Variants in LTBP2 observed in about 807,000 individuals in gnomAD.
LTBP2 encodes latent transforming growth factor beta binding protein 2.
In LTBP2, 103 loss-of-function variants were observed where a neutral mutation model predicts 210.6. The observed-to-expected ratio is 0.49, with a 90% CI of 0.42 to 0.58. The LOEUF is 0.58. LTBP2 is among the 20% of genes least tolerant of loss of function. The probability of loss-of-function intolerance (pLI) is 0.00; values close to 1 mark genes in which losing one functional copy is unlikely to be tolerated. For synonymous variants in LTBP2, 1,007 were observed against 1,015.0 expected (o/e 0.99, Z 0.15); for missense variants, 2,313 against 2,494.5 (o/e 0.93, Z 1.55).
intron 34 of LTBP2, 70 bp downstream of exon 34, chr14:74,502,583 G>A (rs965539315): frequency 3.8e-6 from 6 of 1,599,712 alleles, no homozygotes; most frequent in Non-Finnish European, 5.1e-6. Flanking sequence ...AATATGACTA[G>A]CAGGTGGAGG....
Position 74,508,088 on chromosome 14 carries a change from G to C in LTBP2, c.3660C>G (p.Asp1220Glu). Residue 1220 changes from aspartate (D) to glutamate (E), a missense_variant, in exon 25 of 36, where the codon GAC becomes GAG. Physicochemically the swap from Asp to Glu is conservative, Grantham distance 45 (BLOSUM62 2). Coordinates refer to ENST00000261978, the MANE Select transcript of LTBP2 (RefSeq NM_000428.3). ...CACACGGGTCTGTGGTGGCACACTC[G>C]TCCACATCTAGAGTAGAGATGGCTG... is the stretch of plus-strand genomic sequence containing the variant. ...AEGGTSCQDVDECATTDPCVG... is the reference protein window; with the variant it reads ...AEGGTSCQDVEECATTDPCVG... The C allele has an allele frequency of 6.2e-7, 1 of 1,613,762 alleles. No individual in the cohort carries two copies. The highest frequency in any genetic ancestry group is 8.5e-7 in the Non-Finnish European group (1 of 1,179,994).
At chr14:74,504,176 G>A in intron 30 of LTBP2, 122 bp from the exon 31 acceptor site, 2 of 1,264,168 alleles carry the variant, frequency 1.6e-6, no homozygotes, top group Non-Finnish European at 2.2e-6. Flanking sequence ...GGTGGCTTTG[G>A]GCAAGTTGCT....
In LTBP2 at chr14:74,505,093, T is replaced by C. The variant is rs2086964476; in HGVS notation, c.4259A>G (p.His1420Arg). 6.2e-7 allele frequency: 1 copy of C among 1,614,102 alleles called. No homozygotes were observed. The highest frequency in any genetic ancestry group is 8.5e-7 in the Non-Finnish European group (1 of 1,180,034). ...GCCCAGGACACTGGAGCAGGGCGCA[T>C]GGCCCTTCTGCCCGGAGTAGCAGTC... ...RMDCYSGQKG[H>R]APCSSVLGRN... The change falls in exon 29 of 36, where the codon CAT (histidine) becomes CGT (arginine). Residue 1420 changes from histidine to arginine, a missense_variant. Transcript: ENST00000261978.
chr14:74,588,123 G>T (rs1444525511), intron 2 of LTBP2, among the ~76,000 whole-genome samples: 1 of 152,328 alleles, frequency 6.6e-6, no homozygotes, highest in East Asian at 1.9e-4. Flanking sequence ...CTCAGCAGCT[G>T]CTCCCTCCTT....
intron 3 of LTBP2, among the ~76,000 whole-genome samples, chr14:74,566,334 G>A (rs2087902099): frequency 6.6e-6 from 1 of 152,234 alleles, no homozygotes. Flanking sequence ...GGAGCAGCCA[G>A]AGGAATAGGA....
In LTBP2 at chr14:74,498,719, T is replaced by C. The variant is rs2086877996; in HGVS notation, c.*2165A>G. Reference sequence around the variant, plus strand: ...AGGATATATTTGGGGGATGGTAAGTTCTCCGATGGTGAGGTATAAGGCGGA... The same window carrying C: ...AGGATATATTTGGGGGATGGTAAGTCCTCCGATGGTGAGGTATAAGGCGGA... On this transcript the variant is annotated 3_prime_UTR_variant, in exon 36 of 36. Transcript: ENST00000261978. 4.3e-6 allele frequency: 1 copy of C among 232,302 alleles called. No individual in the cohort carries two copies. The highest frequency in any genetic ancestry group is 8.5e-6 in the Non-Finnish European group (1 of 117,544). 14.4% of individuals were successfully genotyped at this position (232,302 alleles called of 1,614,324 possible). A position where few individuals can be genotyped will look rare whatever the true frequency, so the allele number is the denominator to read the frequency against.
chr14:74,549,836 C>T (rs1473106110), intron 8 of LTBP2, 27 bp downstream of exon 8: 2 of 1,585,312 alleles, frequency 1.3e-6, no homozygotes, highest in African/African-American at 2.7e-5. Flanking sequence ...TCCTCCACAA[C>T]ACGTGACCTT....
intron 3 of LTBP2, among the ~76,000 whole-genome samples, chr14:74,566,708 C>T (rs2087907272): frequency 2.0e-5 from 3 of 152,190 alleles, no homozygotes; most frequent in Non-Finnish European, 2.9e-5. Flanking sequence ...CATCAACATT[C>T]CCTGGTGCCT....
chr14:74,592,556 G>GGT (rs2088297296), intron 2 of LTBP2, among the ~76,000 whole-genome samples: 1 of 151,938 alleles, frequency 6.6e-6, no homozygotes, highest in Non-Finnish European at 1.5e-5. Context: ...AAATTAGCTG[G>GGT]GTGTGATGGT....
At chr14:74,530,842 G>A (rs762989477) in intron 10 of LTBP2, among the ~76,000 whole-genome samples, 1 of 152,222 alleles carries the variant, frequency 6.6e-6, no homozygotes. Context: ...GCTTAAGGCA[G>A]TTTGAGTTTG....
chr14:74,511,781 C>T (rs2087075096), intron 18 of LTBP2, among the ~76,000 whole-genome samples: 1 of 152,200 alleles, frequency 6.6e-6, no homozygotes, highest in Non-Finnish European at 1.5e-5. Flanking sequence ...CACAATAGAT[C>T]ATCGGAGGGG....
intron 15 of LTBP2, among the ~76,000 whole-genome samples, chr14:74,524,427 T>A (rs1566623057): frequency 1.3e-5 from 2 of 151,922 alleles, no homozygotes; most frequent in African/African-American, 4.8e-5. Flanking sequence ...ACAAGGTGAC[T>A]GGGTCTCTGG....
chr14:74,569,611 G>C (rs2087949157), intron 3 of LTBP2, among the ~76,000 whole-genome samples: 1 of 152,200 alleles, frequency 6.6e-6, no homozygotes, highest in Admixed American at 6.5e-5. Context: ...GCAGAGATCA[G>C]ACTATAATGA....
intron 9 of LTBP2, among the ~76,000 whole-genome samples, chr14:74,534,954 G>T (rs1038753033): frequency 6.6e-6 from 1 of 152,108 alleles, no homozygotes. Flanking sequence ...GCTCCAGATT[G>T]GGAAACATAC....
intron 9 of LTBP2, among the ~76,000 whole-genome samples, chr14:74,535,136 T>C (rs1408567042): frequency 6.6e-6 from 1 of 152,124 alleles, no homozygotes; most frequent in Admixed American, 6.5e-5. Flanking sequence ...CCCTTTTGCT[T>C]GGCCCCAGCA....
rs2088012182 is a variant in LTBP2, at chr14:74,573,442, G to A, written c.830+12412C>T. ...CCATCAGTGGGGAACTGTGGCAGGA[G>A]GTCAGAGGGCAGGAGAAGGGTGAGT... On this transcript the variant is annotated intron_variant, in intron 3 of 35. Transcript: ENST00000261978. 3.9e-5 allele frequency among the ~76,000 whole-genome samples: 6 copies of A among 152,346 alleles called. 1 individual carries two copies. The South Asian group carries it at 1.2e-3, about 32-fold the overall frequency.
chr14:74,552,453 C>T, intron 5 of LTBP2, 60 bp from the exon 6 acceptor site: 2 of 1,491,434 alleles, frequency 1.3e-6, no homozygotes, highest in Non-Finnish European at 1.8e-6. Context: ...CGCTCTGTGG[C>T]TGGTGACCAC....
At chr14:74,566,818 T>C (rs1469087728) in intron 3 of LTBP2, among the ~76,000 whole-genome samples, 1 of 152,106 alleles carries the variant, frequency 6.6e-6, no homozygotes, top group Admixed American at 6.5e-5. Context: ...CCCAACCTCT[T>C]TGCCCTCATC....
Position 74,501,529 on chromosome 14 carries a change from C to CT in LTBP2, c.5231dup (p.Asn1745GlufsTer14). The stretch of plus-strand genomic sequence containing the variant: ...CCCGCACGCGCACACAGCGGCCATT[C>CT]TCACAGCCGTTCAGGATGCCGCACT... On this transcript the variant is annotated frameshift_variant, in exon 35 of 36. Coordinates refer to ENST00000261978, the MANE Select transcript of LTBP2 (RefSeq NM_000428.3). LOFTEE classifies it high-confidence loss of function. 1 of 1,614,200 alleles carries CT rather than the reference C, an allele frequency of 6.2e-7. No homozygotes were observed. The highest frequency in any genetic ancestry group is 8.5e-7 in the Non-Finnish European group (1 of 1,180,044).
Sources: allele counts gnomAD v4.1 joint callset (sites outside exome capture counted in the v4.1 genomes callset), GRCh38; gene constraint gnomAD v4.1.1; transcripts MANE v1.5; gene names NCBI Gene and HGNC (gene_info 2026-07-23, HGNC 2026-07-21).